Variants in SEMA5A observed in about 807,000 individuals in gnomAD.
SEMA5A encodes semaphorin 5A.
A neutral mutation model predicts 135.5 loss-of-function variants in SEMA5A; 55 were observed. The ratio of observed to expected loss-of-function variants is 0.41; its 90% confidence interval spans 0.33 to 0.51. The LOEUF (loss-of-function observed/expected upper bound fraction) is 0.51, where lower values mean the gene tolerates loss of function less well. Ranked by LOEUF, SEMA5A falls within the 20% of genes least tolerant of loss-of-function variation. The probability of loss-of-function intolerance (pLI) is 0.37; values close to 1 mark genes in which losing one functional copy is unlikely to be tolerated. For synonymous variants in SEMA5A, 580 were observed against 546.5 expected, an observed-to-expected ratio of 1.06 and a Z score of -0.85; for missense variants, 1,290 against 1,419.9, an observed-to-expected ratio of 0.91 and a Z score of 1.47.
intron 11 of SEMA5A, among the ~76,000 whole-genome samples, chr5:9,169,559 C>T (rs1332307680): frequency 2.6e-5 from 4 of 152,184 alleles, no homozygotes; most frequent in Admixed American, 1.3e-4. Flanking sequence ...GCAAAGGACA[C>T]ATTTGGCCAA....
chr5:9,218,352 T>C (rs1028573576), intron 8 of SEMA5A, among the ~76,000 whole-genome samples: 1 of 152,138 alleles, frequency 6.6e-6, no homozygotes, highest in Non-Finnish European at 1.5e-5. Flanking sequence ...AAACAATTCA[T>C]TGGTGGCTGT....
intron 20 of SEMA5A, 83 bp downstream of exon 20, chr5:9,051,790 A>C: frequency 6.4e-7 from 1 of 1,564,890 alleles, no homozygotes. Context: ...AAATAAGCCA[A>C]ATAAAACTCT....
At chr5:9,177,032 A>G (rs1176954296) in intron 11 of SEMA5A, among the ~76,000 whole-genome samples, 1 of 152,216 alleles carries the variant, frequency 6.6e-6, no homozygotes, top group East Asian at 1.9e-4. Flanking sequence ...GATAGGGACA[A>G]TAATAAAGCC....
At chr5:9,281,198 T>C (rs1750524051) in intron 5 of SEMA5A, among the ~76,000 whole-genome samples, 1 of 152,238 alleles carries the variant, frequency 6.6e-6, no homozygotes, top group African/African-American at 2.4e-5. Flanking sequence ...TATCTTTACT[T>C]CTATAGGAAT....
At position 9,452,457 on chromosome 5, in the gene SEMA5A, C is replaced by T. The variant is rs75442918; in HGVS notation, c.-174-14605G>A. On this transcript the variant is annotated intron_variant, in intron 1 of 22. Transcript: ENST00000382496. ...CAGCGTTCCCTGACACCTGATAATACACACTCTCTCAGGCAAGATGCATCC... is the reference window on the plus strand; with the variant it reads ...CAGCGTTCCCTGACACCTGATAATATACACTCTCTCAGGCAAGATGCATCC... Among the ~76,000 whole-genome samples, 459 of 152,254 alleles carry T rather than the reference C, an allele frequency of 3.0e-3. 3 individuals are homozygous for T. The highest frequency in any genetic ancestry group is 0.01 in the African/African-American group (436 of 41,552).
chr5:9,198,727 T>C (rs934025661), intron 9 of SEMA5A, among the ~76,000 whole-genome samples: 3 of 152,116 alleles, frequency 2.0e-5, no homozygotes, highest in South Asian at 2.1e-4. Context: ...TTAGAGAGAA[T>C]GGGAGAAGTT....
Position 9,477,360 on chromosome 5 carries a change from A to C in SEMA5A, c.-174-39508T>G, listed in dbSNP as rs531176240. Among the ~76,000 whole-genome samples, 4 of 152,352 alleles carry C rather than the reference A, an allele frequency of 2.6e-5. No individual in the cohort carries two copies. The South Asian group carries it at 8.3e-4, about 32-fold the overall frequency. On this transcript the variant is annotated intron_variant, in intron 1 of 22. Coordinates refer to ENST00000382496, the MANE Select transcript of SEMA5A (RefSeq NM_003966.3). ...CTATAAATGTACCTAAAAATGTGGA[A>C]GCAACCTTTGAACTGCGTAATGGGC...
chr5:9,349,914 C>G (rs1023362383), intron 3 of SEMA5A, among the ~76,000 whole-genome samples: 2 of 150,430 alleles, frequency 1.3e-5, no homozygotes, highest in Non-Finnish European at 3.0e-5. Context: ...AAAAACAAAA[C>G]AAACAAACAA....
chr5:9,451,285 A>C (rs1758635404), intron 1 of SEMA5A, among the ~76,000 whole-genome samples: 1 of 152,186 alleles, frequency 6.6e-6, no homozygotes, highest in African/African-American at 2.4e-5. Flanking sequence ...AGCCACTGTA[A>C]ATGCTTGGGA....
chr5:9,397,052 A>G (rs558277260), intron 2 of SEMA5A, among the ~76,000 whole-genome samples: 90 of 55,384 alleles, frequency 1.6e-3, no homozygotes, highest in African/African-American at 8.8e-3. Context: ...AAGGAAGACA[A>G]AAAAAAAAAA....
rs1310893224 is a variant in SEMA5A, at chr5:9,368,874, A to G, written c.124+10949T>C. On this transcript the variant is annotated intron_variant, in intron 3 of 22. Coordinates refer to ENST00000382496, the MANE Select transcript of SEMA5A (RefSeq NM_003966.3). Reference sequence around the variant, plus strand: ...CCCTTGGATACAAATCTTTCTGTAGACATTATTCAATATTATGTTACTGTT... The same window carrying G: ...CCCTTGGATACAAATCTTTCTGTAGGCATTATTCAATATTATGTTACTGTT... 2.0e-5 allele frequency among the ~76,000 whole-genome samples: 3 copies of G among 152,228 alleles called. No individual in the cohort carries two copies. The South Asian group carries it at 6.2e-4, about 32-fold the overall frequency.
At chr5:9,426,294 A>G (rs1333451300) in intron 2 of SEMA5A, among the ~76,000 whole-genome samples, 2 of 151,800 alleles carry the variant, frequency 1.3e-5, no homozygotes, top group Admixed American at 1.3e-4. Flanking sequence ...GCGCGGTGGC[A>G]GGCGCCTGTA....
rs142076178 is a variant in SEMA5A at position 9,178,985 on chromosome 5, T to C, written c.1273+11282A>G. On this transcript the variant is annotated intron_variant, in intron 11 of 22. Coordinates refer to ENST00000382496, the MANE Select transcript of SEMA5A (RefSeq NM_003966.3). ...TCTCATGAAGCTTTCACGTAGAAAA[T>C]GGTTTGAATGTCCCTCTGTAGAAGT... Among the ~76,000 whole-genome samples the C allele has an allele frequency of 3.9e-3, 592 of 152,282 alleles. 2 individuals carry two copies. Among genetic ancestry groups the C allele is most frequent in the African/African-American group, 0.014 (570 of 41,562 alleles).
intron 6 of SEMA5A, among the ~76,000 whole-genome samples, chr5:9,233,649 A>G (rs916137233): frequency 1.6e-4 from 24 of 152,180 alleles, no homozygotes; most frequent in African/African-American, 5.3e-4. Flanking sequence ...TCTTGACCCT[A>G]ATTCCCTAAA....
At chr5:9,421,757 C>T (rs1040746005) in intron 2 of SEMA5A, among the ~76,000 whole-genome samples, 1 of 152,132 alleles carries the variant, frequency 6.6e-6, no homozygotes. Context: ...ATCCTAAGAG[C>T]AATGGATAGA....
At chr5:9,357,431 A>G (rs1321117951) in intron 3 of SEMA5A, among the ~76,000 whole-genome samples, 1 of 152,224 alleles carries the variant, frequency 6.6e-6, no homozygotes, top group Non-Finnish European at 1.5e-5. Flanking sequence ...ATAATTAGCG[A>G]GAATTGTTTT....
chr5:9,204,521 T>A lies in SEMA5A; in HGVS notation c.647-2281A>T, dbSNP rs1443960247. On this transcript the variant is annotated intron_variant, in intron 8 of 22. Transcript: ENST00000382496. The surrounding 1 kb of genome is among the most constrained non-coding windows in gnomAD (Gnocchi z 6.4). Reference sequence around the variant, plus strand: ...ATAAAAACAGCTAATATCTGTAGAATGCTAAGTCTTGTGCCAAGATCTGTG... The same window carrying A: ...ATAAAAACAGCTAATATCTGTAGAAAGCTAAGTCTTGTGCCAAGATCTGTG... Among the ~76,000 whole-genome samples the A allele has an allele frequency of 6.6e-6, 1 of 152,236 alleles. No individual in the cohort carries two copies. The highest frequency in any genetic ancestry group is 2.4e-5 in the African/African-American group (1 of 41,466).
chr5:9,123,379 G>C (rs1328425162), intron 13 of SEMA5A, among the ~76,000 whole-genome samples: 3 of 150,056 alleles, frequency 2.0e-5, no homozygotes, highest in African/African-American at 7.4e-5. Context: ...GAGACAGGGG[G>C]AAAGGGGAGA....
chr5:9,207,924 A>G (rs2150381031), intron 8 of SEMA5A, among the ~76,000 whole-genome samples: 1 of 151,030 alleles, frequency 6.6e-6, no homozygotes. Context: ...TAATAGATAG[A>G]TTTTAATAGA....
Sources: gnomAD v4.1 joint callset for allele counts (sites outside exome capture counted in the v4.1 genomes callset) on GRCh38, gnomAD v4.1.1 for gene constraint, Gnocchi (gnomAD v3.1) non-coding constraint, MANE v1.5 for transcripts, NCBI Gene and HGNC (gene_info 2026-07-23, HGNC 2026-07-21) for gene names.